PRDM1: variants seen among roughly 807,000 people sequenced by gnomAD.
PRDM1 encodes the protein PR/SET domain 1.
PRDM1 carries 13 observed loss-of-function variants against 62.8 expected under a neutral mutation model. The observed-to-expected ratio is 0.21, with a 90% CI of 0.13 to 0.33. PRDM1 has a LOEUF of 0.33. Ranked by LOEUF, PRDM1 falls within the 10% of genes least tolerant of loss-of-function variation. The pLI is 1.00. For synonymous variants in PRDM1, 396 were observed against 417.6 expected (o/e 0.95, Z 0.63); for missense variants, 895 against 1,058.8 (o/e 0.85, Z 2.15).
intron 3 of PRDM1, chr6:106,098,830 G>T: frequency 1.3e-6 from 2 of 1,525,824 alleles, no homozygotes; most frequent in South Asian, 1.2e-5. Context: ...AGGAAACGGC[G>T]AGTACAGAGG....
At chr6:106,083,212 T>G (rs993031969), upstream of PRDM1, among the ~76,000 whole-genome samples, 2 of 4,824 alleles carry the variant, frequency 4.1e-4, no homozygotes, top group African/African-American at 1.9e-3. Flanking sequence ...GAAATGGGTG[T>G]GGGGGGTGAG....
At chr6:106,095,901 C>A in intron 3 of PRDM1, 167 bp downstream of exon 3, 2 of 709,310 alleles carry the variant, frequency 2.8e-6, no homozygotes, top group South Asian at 2.0e-5. Flanking sequence ...GTGATGAAAC[C>A]GATGAAATGT....
chr6:106,051,072 C>G (rs1224598884), intron 1 of PRDM1, among the ~76,000 whole-genome samples: 1 of 152,070 alleles, frequency 6.6e-6, no homozygotes, highest in Non-Finnish European at 1.5e-5. Context: ...CTAGAAAAGT[C>G]AGGTTTCACC....
chr6:106,080,432 T>G (rs576469381), intron 1 of PRDM1, among the ~76,000 whole-genome samples: 1 of 152,202 alleles, frequency 6.6e-6, no homozygotes, highest in Admixed American at 6.5e-5. Flanking sequence ...CCAGCATCCT[T>G]CCTTCTCCTC....
At chr6:106,089,516 C>G (rs1053156927) in intron 2 of PRDM1, among the ~76,000 whole-genome samples, 8 of 152,186 alleles carry the variant, frequency 5.3e-5, no homozygotes, top group South Asian at 2.1e-4. Flanking sequence ...GTTTGTGTGT[C>G]TGAGTCCAGT....
intron 1 of PRDM1, among the ~76,000 whole-genome samples, chr6:106,012,705 T>C (rs1371727774): frequency 6.6e-6 from 1 of 152,210 alleles, no homozygotes; most frequent in Non-Finnish European, 1.5e-5. Flanking sequence ...CTGCCCCAGA[T>C]GTGTTCAGGT....
chr6:106,106,008 G>C lies in PRDM1; in HGVS notation c.1773+75G>C, dbSNP rs1774476145. ...TTTGTATTTAGCTTGCTTTCCATGG[G>C]GTATCGATTGCATTTGCAGTAGTAT... On this transcript the variant is annotated intron_variant, in intron 5 of 6. Coordinates refer to ENST00000369096, the MANE Select transcript of PRDM1 (RefSeq NM_001198.4). This position sits in a 1 kb window ranked among gnomAD's most constrained non-coding sequence, Gnocchi z 4.4. The C allele has an allele frequency of 1.3e-6, 2 of 1,531,098 alleles. No individual in the cohort carries two copies. The highest frequency in any genetic ancestry group is 1.8e-6 in the Non-Finnish European group (2 of 1,139,060). 94.8% of individuals were successfully genotyped at this position (1,531,098 alleles called of 1,614,324 possible).
chr6:106,038,615 C>A (rs554291854), intron 1 of PRDM1, among the ~76,000 whole-genome samples: 3 of 152,290 alleles, frequency 2.0e-5, no homozygotes, highest in South Asian at 4.1e-4. Flanking sequence ...CAGCCTGCCT[C>A]TATGTCTACA....
intron 1 of PRDM1, among the ~76,000 whole-genome samples, chr6:106,015,848 GT>G: frequency 6.6e-6 from 1 of 151,746 alleles, no homozygotes; most frequent in East Asian, 1.9e-4. Context: ...CATGACAAAA[GT>G]TACCATTTTA....
At chr6:106,066,961 G>A (rs1773443895) in intron 1 of PRDM1, among the ~76,000 whole-genome samples, 1 of 152,174 alleles carries the variant, frequency 6.6e-6, no homozygotes, top group African/African-American at 2.4e-5. Context: ...TGTATTAAGT[G>A]ATTTAGTCTT....
intron 1 of PRDM1, among the ~76,000 whole-genome samples, chr6:105,996,405 C>G (rs946967148): frequency 4.6e-5 from 7 of 152,050 alleles, no homozygotes; most frequent in Admixed American, 2.0e-4. Flanking sequence ...GTGGGATGCT[C>G]TAATATATCC....
intron 1 of PRDM1, among the ~76,000 whole-genome samples, chr6:106,074,510 T>C (rs1160951718): frequency 1.3e-5 from 2 of 152,238 alleles, no homozygotes; most frequent in Admixed American, 1.3e-4. Flanking sequence ...TATAATTACG[T>C]AACTTAATTA....
At chr6:106,094,540 G>A (rs1338676966) in intron 2 of PRDM1, among the ~76,000 whole-genome samples, 1 of 152,190 alleles carries the variant, frequency 6.6e-6, no homozygotes, top group East Asian at 1.9e-4. Flanking sequence ...AATGTGTGAT[G>A]CATCCAGTCT....
chr6:106,001,916 G>A (rs1030561609), intron 1 of PRDM1, among the ~76,000 whole-genome samples: 12 of 151,952 alleles, frequency 7.9e-5, no homozygotes, highest in African/African-American at 2.9e-4. Flanking sequence ...TTGTAGATCT[G>A]AAACTGGAAA....
chr6:106,050,405 T>C (rs1773154241), intron 1 of PRDM1, among the ~76,000 whole-genome samples: 1 of 152,246 alleles, frequency 6.6e-6, no homozygotes, highest in Admixed American at 6.5e-5. Context: ...AGAGCTTTAC[T>C]AAAATTAAAA....
chr6:106,049,595 C>A (rs577969086), intron 1 of PRDM1, among the ~76,000 whole-genome samples: 6 of 152,270 alleles, frequency 3.9e-5, no homozygotes, highest in African/African-American at 1.2e-4. Context: ...TGCCCTGGTT[C>A]CCCTGTCCTC....
At chr6:106,050,594 G>A (rs1329718099) in intron 1 of PRDM1, among the ~76,000 whole-genome samples, 1 of 152,126 alleles carries the variant, frequency 6.6e-6, no homozygotes, top group African/African-American at 2.4e-5. Context: ...TCAGCTTTCT[G>A]CGCGTGCTAG....
At chr6:106,068,847 A>G (rs1351185490) in intron 1 of PRDM1, among the ~76,000 whole-genome samples, 1 of 152,198 alleles carries the variant, frequency 6.6e-6, no homozygotes, top group Non-Finnish European at 1.5e-5. Flanking sequence ...CTTTTTTAGG[A>G]ATTTGGGCTG....
intron 1 of PRDM1, among the ~76,000 whole-genome samples, chr6:106,072,784 A>G (rs1386143840): frequency 6.6e-6 from 1 of 152,156 alleles, no homozygotes; most frequent in East Asian, 1.9e-4. Context: ...TGTTCTCTGG[A>G]AAGAGGATGG....
Sources: allele counts gnomAD v4.1 joint callset (sites outside exome capture counted in the v4.1 genomes callset), GRCh38; gene constraint gnomAD v4.1.1; non-coding constraint Gnocchi (gnomAD v3.1); transcripts MANE v1.5; gene names NCBI Gene and HGNC (gene_info 2026-07-23, HGNC 2026-07-21).